Variants in ROBO2 observed in about 807,000 individuals in gnomAD.
The protein encoded by ROBO2 is roundabout homolog 2.
Under a neutral mutation model 160.8 loss-of-function variants are expected in ROBO2, and 53 were observed. The ratio of observed to expected loss-of-function variants is 0.33; its 90% CI spans 0.26 to 0.41. ROBO2 has a LOEUF of 0.41. Ranked by LOEUF, ROBO2 falls within the 10% of genes least tolerant of loss-of-function variation. The pLI is 1.00. For synonymous variants in ROBO2, 664 were observed against 611.7 expected (o/e 1.09, Z -1.26); for missense variants, 1,577 against 1,722.4 (o/e 0.92, Z 1.49).
In ROBO2 at chr3:76,802,113, C is replaced by A. The variant is rs573263111; in HGVS notation, c.110-295901C>A. Among the ~76,000 whole-genome samples the A allele has an allele frequency of 2.6e-5, 4 of 152,254 alleles. No homozygotes were observed. The South Asian group carries it at 8.3e-4, about 32-fold the overall frequency. On this transcript the variant is annotated intron_variant, in intron 2 of 26. Coordinates refer to the ROBO2 transcript ENST00000487694. ...TCACCATAATAAACGAATACTAATA[C>A]ATTTTTGCATATTGTGGGAATTATC...
chr3:75,996,833 TC>T (rs1478723113), intron 2 of ROBO2, among the ~76,000 whole-genome samples: 1 of 151,396 alleles, frequency 6.6e-6, no homozygotes, highest in Non-Finnish European at 1.5e-5. Flanking sequence ...TTGTAAATCA[TC>T]TATTCTGATA....
intron 2 of ROBO2, among the ~76,000 whole-genome samples, chr3:77,288,055 C>T (rs1444387863): frequency 6.6e-6 from 1 of 152,078 alleles, no homozygotes; most frequent in Admixed American, 6.5e-5. Flanking sequence ...TCTTAGGTTT[C>T]TCATTTAGTT....
At chr3:77,591,680 CAG>C (rs2094183732) in intron 17 of ROBO2, among the ~76,000 whole-genome samples, 1 of 152,130 alleles carries the variant, frequency 6.6e-6, no homozygotes, top group Non-Finnish European at 1.5e-5. Flanking sequence ...TAGATGCTAA[CAG>C]AGACTTTTGA....
intron 2 of ROBO2, among the ~76,000 whole-genome samples, chr3:76,142,949 T>TAAA (rs986579555): frequency 7.9e-5 from 12 of 151,804 alleles, no homozygotes; most frequent in African/African-American, 2.9e-4. Context: ...CCCACAAAAA[T>TAAA]AAAAATAAAA....
intron 5 of ROBO2, among the ~76,000 whole-genome samples, chr3:77,493,782 TAACTAACA>T (rs1344081176): frequency 6.6e-6 from 1 of 152,134 alleles, no homozygotes. Context: ...GCCCAAAGCA[TAACTAACA>T]AAAGACTATT....
rs552404621 is a variant in ROBO2, at chr3:76,148,679, G to A, written c.109+211077G>A. ...CTGTATTTGAACTTGCTGCCTTATTGTAATAAGAAAATTAGGAATCAATTC... is the reference window on the plus strand; with the variant it reads ...CTGTATTTGAACTTGCTGCCTTATTATAATAAGAAAATTAGGAATCAATTC... On this transcript the variant is annotated intron_variant, in intron 2 of 26. Transcript: ENST00000487694. 1.1e-3 allele frequency among the ~76,000 whole-genome samples: 168 copies of A among 152,030 alleles called. 1 individual carries two copies. The highest frequency in any genetic ancestry group is 3.9e-3 in the African/African-American group (163 of 41,490).
At chr3:76,493,679 C>T (rs186149989) in intron 2 of ROBO2, among the ~76,000 whole-genome samples, 9 of 152,078 alleles carry the variant, frequency 5.9e-5, no homozygotes, top group African/African-American at 2.2e-4. Flanking sequence ...CATTTACTAT[C>T]GATTTCCGTT....
intron 2 of ROBO2, among the ~76,000 whole-genome samples, chr3:76,078,004 GC>G (rs1439467065): frequency 1.3e-5 from 2 of 152,086 alleles, no homozygotes; most frequent in East Asian, 3.9e-4. Context: ...TAACAACCCT[GC>G]TTTCCACTCC....
At chr3:77,445,190 C>T (rs1167193099) in intron 2 of ROBO2, among the ~76,000 whole-genome samples, 1 of 151,950 alleles carries the variant, frequency 6.6e-6, no homozygotes, top group Non-Finnish European at 1.5e-5. Context: ...GCACCTGGCC[C>T]ACAGCATCAT....
chr3:77,034,501 T>A (rs1338376415), intron 2 of ROBO2, among the ~76,000 whole-genome samples: 1 of 151,902 alleles, frequency 6.6e-6, no homozygotes, highest in Non-Finnish European at 1.5e-5. Flanking sequence ...CCAAACAGAT[T>A]AGTTCTTCTA....
intron 2 of ROBO2, among the ~76,000 whole-genome samples, chr3:75,957,987 A>G (rs1322625431): frequency 6.6e-6 from 1 of 151,728 alleles, no homozygotes; most frequent in Non-Finnish European, 1.5e-5. Context: ...TGTTAGAAAT[A>G]TAATAATTTT....
intron 2 of ROBO2, among the ~76,000 whole-genome samples, chr3:77,211,117 C>A (rs565530536): frequency 6.6e-6 from 1 of 152,094 alleles, no homozygotes; most frequent in African/African-American, 2.4e-5. Context: ...AATGGGATGG[C>A]TGGGTCAAAT....
At chr3:76,009,135 C>T (rs987560504) in intron 2 of ROBO2, among the ~76,000 whole-genome samples, 2 of 152,134 alleles carry the variant, frequency 1.3e-5, no homozygotes, top group Non-Finnish European at 2.9e-5. Context: ...CTGAGTCTTG[C>T]TCTGTCGCCC....
intron 2 of ROBO2, among the ~76,000 whole-genome samples, chr3:77,356,562 A>T (rs1397666048): frequency 6.6e-6 from 1 of 152,196 alleles, no homozygotes; most frequent in East Asian, 1.9e-4. Flanking sequence ...GGCCTCTATA[A>T]CAAAAGGCAG....
At chr3:76,460,933 G>A (rs762132250) in intron 2 of ROBO2, among the ~76,000 whole-genome samples, 5 of 152,070 alleles carry the variant, frequency 3.3e-5, no homozygotes, top group Non-Finnish European at 7.3e-5. Context: ...ATAGAACTAT[G>A]GAAAAGAATA....
At chr3:77,307,755 C>T (rs1202798852) in intron 2 of ROBO2, among the ~76,000 whole-genome samples, 3 of 151,968 alleles carry the variant, frequency 2.0e-5, no homozygotes, top group South Asian at 2.1e-4. Context: ...TGGTGGCGGG[C>T]GCCTGTAATC....
intron 2 of ROBO2, among the ~76,000 whole-genome samples, chr3:77,331,255 A>G (rs1016644447): frequency 6.6e-6 from 1 of 152,214 alleles, no homozygotes; most frequent in African/African-American, 2.4e-5. Flanking sequence ...GTTTAGTGAA[A>G]GTGCCAATAT....
intron 8 of ROBO2, among the ~76,000 whole-genome samples, chr3:77,551,322 G>T (rs1245119174): frequency 1.1e-4 from 16 of 151,906 alleles, no homozygotes. Flanking sequence ...GGCTCTACTA[G>T]ACATTAATAA....
At chr3:75,980,407 C>T (rs2065243530) in intron 2 of ROBO2, among the ~76,000 whole-genome samples, 1 of 151,470 alleles carries the variant, frequency 6.6e-6, no homozygotes, top group African/African-American at 2.4e-5. Context: ...TCAGTCTGAG[C>T]CAAATGCATA....
Sources: gnomAD v4.1 joint callset for allele counts (sites outside exome capture counted in the v4.1 genomes callset) on GRCh38, gnomAD v4.1.1 for gene constraint, MANE v1.5 for transcripts, NCBI Gene and HGNC (gene_info 2026-07-23, HGNC 2026-07-21) for gene names.